ULK4: variants seen among roughly 807,000 people sequenced by gnomAD.
The protein encoded by ULK4 is inactive serine/threonine-protein kinase ULK4.
ULK4 carries 133 observed loss-of-function variants against 160.6 expected under a neutral mutation model. That is an observed-to-expected ratio of 0.83 (90% CI 0.72 to 0.96). The LOEUF (loss-of-function observed/expected upper bound fraction) is 0.96, where lower values mean the gene tolerates loss of function less well. Among genes scored for constraint, ULK4 ranks in the 40% least tolerant of loss-of-function variants. The probability of loss-of-function intolerance (pLI) is 0.00; values close to 1 mark genes in which losing one functional copy is unlikely to be tolerated. For missense variants in ULK4, 1,580 were observed against 1,499.5 expected (o/e 1.05, Z -0.89); for synonymous variants, 534 against 539.8 (o/e 0.99, Z 0.15).
intron 5 of ULK4, among the ~76,000 whole-genome samples, chr3:41,931,260 T>C (rs529855703): frequency 6.6e-6 from 1 of 151,902 alleles, no homozygotes; most frequent in East Asian, 1.9e-4. Flanking sequence ...ATATTCTCAC[T>C]CGTAAGTGGG....
chr3:41,516,130 T>C (rs2085739641), intron 32 of ULK4, among the ~76,000 whole-genome samples: 1 of 152,228 alleles, frequency 6.6e-6, no homozygotes, highest in Non-Finnish European at 1.5e-5. Flanking sequence ...TATTTAAACA[T>C]TTTCTAAGTG....
intron 34 of ULK4, among the ~76,000 whole-genome samples, chr3:41,401,357 T>G (rs879599046): frequency 1.3e-5 from 2 of 152,208 alleles, no homozygotes; most frequent in Non-Finnish European, 2.9e-5. Context: ...GTTTTGCCAC[T>G]GTGTATCCAA....
chr3:41,821,363 T>C (rs2041138055), intron 18 of ULK4, among the ~76,000 whole-genome samples: 3 of 152,082 alleles, frequency 2.0e-5, no homozygotes, highest in Admixed American at 2.0e-4. Flanking sequence ...ATTTCTCTTA[T>C]CACCACCCTC....
At chr3:41,947,215 G>C (rs548957753) in intron 2 of ULK4, among the ~76,000 whole-genome samples, 2 of 152,142 alleles carry the variant, frequency 1.3e-5, no homozygotes, top group African/African-American at 4.8e-5. Context: ...GGAGGCTCAG[G>C]CAGGAGAATG....
At chr3:41,571,841 GTCTA>G (rs1377122881) in intron 31 of ULK4, among the ~76,000 whole-genome samples, 1 of 152,062 alleles carries the variant, frequency 6.6e-6, no homozygotes, top group Non-Finnish European at 1.5e-5. Context: ...AAAGCAAGGA[GTCTA>G]CACTTTTGGT....
At chr3:41,758,741 C>G (rs1358799353) in intron 21 of ULK4, among the ~76,000 whole-genome samples, 1 of 151,860 alleles carries the variant, frequency 6.6e-6, no homozygotes, top group Non-Finnish European at 1.5e-5. Flanking sequence ...GGCGCAGTGG[C>G]GGGTGCCTGT....
intron 30 of ULK4, among the ~76,000 whole-genome samples, chr3:41,653,911 C>A (rs1392804639): frequency 2.0e-5 from 3 of 152,160 alleles, no homozygotes; most frequent in Admixed American, 6.5e-5. Flanking sequence ...GATTTAAAAC[C>A]ACTCTGCAAT....
chr3:41,656,224 G>A (rs1345777068), intron 30 of ULK4, among the ~76,000 whole-genome samples: 2 of 151,930 alleles, frequency 1.3e-5, no homozygotes, highest in East Asian at 1.9e-4. Flanking sequence ...GGGAAGGGGC[G>A]GGGGGAAAGA....
chr3:41,548,348 C>T (rs375716699), intron 32 of ULK4, among the ~76,000 whole-genome samples: 4 of 151,964 alleles, frequency 2.6e-5, no homozygotes, highest in East Asian at 1.9e-4. Context: ...CCCCAGTGCC[C>T]GTACATTCTG....
chr3:41,810,630 C>T (rs1399628189), intron 19 of ULK4, among the ~76,000 whole-genome samples: 2 of 152,056 alleles, frequency 1.3e-5, no homozygotes, highest in Non-Finnish European at 2.9e-5. Context: ...GCCCGGGCAA[C>T]TTAATGAGAC....
rs116721097 is a variant in ULK4 at position 41,369,289 on chromosome 3, G to A, written c.3678+28790C>T. 4.7e-3 allele frequency among the ~76,000 whole-genome samples: 711 copies of A among 152,208 alleles called. 5 individuals carry two copies. Among genetic ancestry groups the A allele is most frequent in the African/African-American group, 0.016 (684 of 41,536 alleles). On this transcript the variant is annotated intron_variant, in intron 35 of 36. Transcript: ENST00000301831. ...GCAGGCAGCTTGCTTGAATCCAGGA[G>A]TTCGAGACCTGGACTCAGCATGGCA...
At chr3:41,862,934 G>A (rs2042537773) in intron 17 of ULK4, among the ~76,000 whole-genome samples, 1 of 152,082 alleles carries the variant, frequency 6.6e-6, no homozygotes, top group Non-Finnish European at 1.5e-5. Context: ...TCTTACCCAA[G>A]GCCTGCTATA....
At chr3:41,770,508 T>C (rs2039316730) in intron 21 of ULK4, among the ~76,000 whole-genome samples, 1 of 141,048 alleles carries the variant, frequency 7.1e-6, no homozygotes, top group Non-Finnish European at 1.5e-5. Flanking sequence ...TATAGAAAGA[T>C]ACTTTTTTTT....
intron 35 of ULK4, among the ~76,000 whole-genome samples, chr3:41,336,420 A>G (rs1386875242): frequency 6.6e-6 from 1 of 152,178 alleles, no homozygotes; most frequent in Non-Finnish European, 1.5e-5. Context: ...TAGGGAAGAA[A>G]AAGTGTGTCA....
intron 27 of ULK4, among the ~76,000 whole-genome samples, chr3:41,695,913 G>A (rs186896705): frequency 5.4e-4 from 82 of 152,278 alleles, no homozygotes; most frequent in African/African-American, 1.8e-3. Flanking sequence ...GGAGCTGAGG[G>A]GACATAGTGA....
chr3:41,258,025 G>A (rs73081797), intron 35 of ULK4, among the ~76,000 whole-genome samples: 22,687 of 152,086 alleles, frequency 0.15, 2,253 homozygotes, highest in Middle Eastern at 0.24. Context: ...GATTTCAAGG[G>A]GCTCTGAAAT....
chr3:41,708,177 C>T (rs75287153), intron 25 of ULK4, among the ~76,000 whole-genome samples: 5 of 149,936 alleles, frequency 3.3e-5, no homozygotes, highest in African/African-American at 1.2e-4. Flanking sequence ...AATACATATA[C>T]ATATATATAT....
chr3:41,539,155 G>A lies in ULK4; in HGVS notation c.3226+26870C>T, dbSNP rs763097135. On this transcript the variant is annotated intron_variant, in intron 32 of 36. Coordinates refer to ENST00000301831, the MANE Select transcript of ULK4 (RefSeq NM_017886.4). ...ATAGAAACAAATCCACATATAAGTG[G>A]AATCATGCAGTTCAAACCATGTTGT... Among the ~76,000 whole-genome samples the A allele has an allele frequency of 1.1e-3, 169 of 148,820 alleles. 1 individual carries two copies. Among genetic ancestry groups the A allele is most frequent in the Middle Eastern group, 6.9e-3 (2 of 288 alleles).
At chr3:41,558,465 G>A (rs2087394318) in intron 32 of ULK4, among the ~76,000 whole-genome samples, 1 of 152,102 alleles carries the variant, frequency 6.6e-6, no homozygotes, top group Non-Finnish European at 1.5e-5. Flanking sequence ...AGCACTTTGA[G>A]AGGCCAAGGT....
Sources: allele counts gnomAD v4.1 joint callset (sites outside exome capture counted in the v4.1 genomes callset), GRCh38; gene constraint gnomAD v4.1.1; transcripts MANE v1.5; gene names NCBI Gene and HGNC (gene_info 2026-07-23, HGNC 2026-07-21).